Variants in ZNF407 observed in about 807,000 individuals in gnomAD.
ZNF407 encodes zinc finger protein 407.
Under a neutral mutation model 131.2 loss-of-function variants are expected in ZNF407, and 17 were observed. The observed-to-expected ratio is 0.13, with a 90% CI of 0.09 to 0.19. ZNF407 has a LOEUF of 0.19. ZNF407 is among the 10% of genes least tolerant of loss of function. The pLI is 1.00. For missense variants in ZNF407, 2,681 were observed against 2,830.6 expected, an observed-to-expected ratio of 0.95 and a Z score of 1.20; for synonymous variants, 1,156 against 1,062.0, an observed-to-expected ratio of 1.09 and a Z score of -1.72.
At chr18:74,958,932 G>A (rs1972307809) in intron 8 of ZNF407, among the ~76,000 whole-genome samples, 1 of 152,170 alleles carries the variant, frequency 6.6e-6, no homozygotes. Context: ...CAGGTGGATA[G>A]GATTTGAATG....
At chr18:74,774,986 G>A (rs897493021) in intron 3 of ZNF407, among the ~76,000 whole-genome samples, 3 of 152,036 alleles carry the variant, frequency 2.0e-5, no homozygotes, top group African/African-American at 7.2e-5. Context: ...TTTGGAGAGG[G>A]TACAAGTATT....
intron 8 of ZNF407, among the ~76,000 whole-genome samples, chr18:74,953,865 G>A (rs949461120): frequency 9.2e-5 from 14 of 152,164 alleles, no homozygotes; most frequent in African/African-American, 2.7e-4. Flanking sequence ...GGTCCATTAG[G>A]GAACTGTGGC....
chr18:74,647,495 C>G (rs1599039093), intron 3 of ZNF407, among the ~76,000 whole-genome samples: 1 of 152,210 alleles, frequency 6.6e-6, no homozygotes. Context: ...CTTCCTGATC[C>G]CCACAGTAGA....
rs542445413 is a variant in ZNF407 at position 74,804,156 on chromosome 18, T to C, written c.4877+22654T>C. The stretch of plus-strand genomic sequence containing the variant: ...TTCATTGTCTTTTTTTTTTTCCTTT[T>C]ATCTGTGTACTTCTTTGCATACTTG... On this transcript the variant is annotated intron_variant, in intron 4 of 8. Coordinates refer to ENST00000299687, the MANE Select transcript of ZNF407 (RefSeq NM_017757.3). 18 of 1,483,318 alleles carry C rather than the reference T, an allele frequency of 1.2e-5. No homozygotes were observed. The African/African-American group carries it at 2.4e-4, about 20-fold the overall frequency. The allele number at this position is 1,483,318 out of a possible 1,614,324, so 91.9% of individuals were successfully genotyped here.
intron 3 of ZNF407, among the ~76,000 whole-genome samples, chr18:74,720,110 TTA>T (rs1967994189): frequency 6.6e-6 from 1 of 152,202 alleles, no homozygotes; most frequent in Admixed American, 6.5e-5. Flanking sequence ...TTGTATTAGT[TTA>T]TGTTTCCACC....
At chr18:74,826,768 C>T (rs1022773557) in intron 4 of ZNF407, among the ~76,000 whole-genome samples, 2 of 152,312 alleles carry the variant, frequency 1.3e-5, no homozygotes, top group South Asian at 4.1e-4. Context: ...ATGTCATCTT[C>T]ACTGGCAGCA....
intron 4 of ZNF407, among the ~76,000 whole-genome samples, chr18:74,810,291 G>A (rs1168740799): frequency 1.3e-5 from 2 of 152,060 alleles, no homozygotes; most frequent in African/African-American, 4.8e-5. Context: ...GGCAGTTTGT[G>A]TGGATATTTT....
rs867901921 is a variant in ZNF407 at position 74,869,657 on chromosome 18, G to A, written c.4878-7540G>A. On this transcript the variant is annotated intron_variant, in intron 4 of 8. Transcript: ENST00000299687. ...GGTTTTTTTAGGGGCAGAAGTGGGG[G>A]GATTTGAACTTTCATCCAATCCAGC... is the stretch of plus-strand genomic sequence containing the variant. Among the ~76,000 whole-genome samples the A allele has an allele frequency of 8.5e-5, 13 of 152,174 alleles. No homozygotes were observed. The Middle Eastern group carries it at 0.01, about 119-fold the overall frequency.
chr18:74,914,424 C>T (rs1971718463), intron 7 of ZNF407, among the ~76,000 whole-genome samples: 1 of 152,206 alleles, frequency 6.6e-6, no homozygotes. Context: ...GTGTGTTGCT[C>T]ACCTTTCCCC....
intron 8 of ZNF407, among the ~76,000 whole-genome samples, chr18:74,959,029 C>T (rs979338410): frequency 6.6e-6 from 1 of 152,172 alleles, no homozygotes; most frequent in African/African-American, 2.4e-5. Context: ...TTCTTCATTA[C>T]ATTTTACTTA....
intron 8 of ZNF407, among the ~76,000 whole-genome samples, chr18:75,001,904 G>A (rs913591174): frequency 1.3e-5 from 2 of 152,224 alleles, no homozygotes; most frequent in African/African-American, 4.8e-5. Context: ...GGCAAGGGCA[G>A]TTTTGGGAGA....
intron 1 of ZNF407, among the ~76,000 whole-genome samples, chr18:74,604,328 C>G (rs2144606464): frequency 6.6e-6 from 1 of 152,078 alleles, no homozygotes; most frequent in East Asian, 1.9e-4. Context: ...CCAGAAGCTT[C>G]CTCATGTGCA....
intron 3 of ZNF407, among the ~76,000 whole-genome samples, chr18:74,771,278 T>C (rs1352877088): frequency 1.3e-5 from 2 of 152,220 alleles, no homozygotes; most frequent in African/African-American, 4.8e-5. Flanking sequence ...TGTTAACTTA[T>C]GAATTTTGGA....
chr18:74,840,596 C>G (rs1423657994), intron 4 of ZNF407, among the ~76,000 whole-genome samples: 1 of 152,052 alleles, frequency 6.6e-6, no homozygotes, highest in Non-Finnish European at 1.5e-5. Flanking sequence ...CCATGCTGGC[C>G]TTGAACTTCT....
chr18:75,064,341 G>A lies in ZNF407; in HGVS notation c.6620G>A (p.Gly2207Asp), dbSNP rs1599320474. ...CTCCTGCAGGCCGGGGCCACGCTAG[G>A]CACAGAGGCCGGGGCCCCAAGCAGG... ...QELLQAGATL[G>D]TEAGAPSRAE... Residue 2207 changes from glycine (G) to aspartate (D), a missense_variant, in exon 9 of 9, where the codon GGC becomes GAC. Around this residue, in one of 6 missense-constraint regions of ZNF407, gnomAD observed 620 missense variants for 583.1 expected, o/e 1.06. Transcript: ENST00000299687. 6.3e-7 allele frequency: 1 copy of A among 1,592,386 alleles called. No homozygotes were observed. Among genetic ancestry groups the A allele is most frequent in the South Asian group, 1.1e-5 (1 of 87,600 alleles).
intron 3 of ZNF407, among the ~76,000 whole-genome samples, chr18:74,702,439 TG>T (rs1419680817): frequency 6.6e-6 from 1 of 152,192 alleles, no homozygotes; most frequent in African/African-American, 2.4e-5. Context: ...GTGTTTATAC[TG>T]AAAAACACAT....
In ZNF407 at chr18:74,635,346, C is replaced by T. The variant is rs1241639817; in HGVS notation, c.4327C>T (p.His1443Tyr). Reference protein sequence around the residue: ...IAMKHPTKEKHFHCLLCGKSF... With the variant: ...IAMKHPTKEKYFHCLLCGKSF... ...CATGAAGCATCCTACAAAAGAGAAG[C>T]ACTTCCATTGTTTACTCTGTGGAAA... Residue 1443 changes from histidine to tyrosine, a missense_variant, in exon 2 of 9, where the codon CAC (histidine) becomes TAC (tyrosine). Coordinates refer to ENST00000299687, the MANE Select transcript of ZNF407 (RefSeq NM_017757.3). This position sits in a 1 kb window ranked among gnomAD's most constrained non-coding sequence, Gnocchi z 4.7. 2 of 1,613,976 alleles carry T rather than the reference C, an allele frequency of 1.2e-6. No individual in the cohort carries two copies. Among genetic ancestry groups the T allele is most frequent in the East Asian group, 2.2e-5 (1 of 44,880 alleles).
rs538517054 is a variant in ZNF407, at chr18:74,911,297, G to A, written c.5250-9217G>A. The stretch of plus-strand genomic sequence containing the variant: ...TAGATGATTGTTAACAACTCTTACT[G>A]TAATAATGTTAACATGTTGCCTACT... On this transcript the variant is annotated intron_variant, in intron 7 of 8. Coordinates refer to ENST00000299687, the MANE Select transcript of ZNF407 (RefSeq NM_017757.3). Among the ~76,000 whole-genome samples the A allele has an allele frequency of 6.6e-5, 10 of 152,244 alleles. No individual in the cohort carries two copies. The East Asian group carries it at 1.9e-3, about 29-fold the overall frequency.
Position 74,825,593 on chromosome 18 carries a change from G to A in ZNF407, c.4877+44091G>A, listed in dbSNP as rs552766885. Reference sequence around the variant, plus strand: ...GTTTTAATATGAACAGAATGTGGGTGTCAGCATTAGGTGGTCAAAAATGTA... The same window carrying A: ...GTTTTAATATGAACAGAATGTGGGTATCAGCATTAGGTGGTCAAAAATGTA... On this transcript the variant is annotated intron_variant, in intron 4 of 8. Coordinates refer to ENST00000299687, the MANE Select transcript of ZNF407 (RefSeq NM_017757.3). Among the ~76,000 whole-genome samples, 6 of 152,298 alleles carry A rather than the reference G, an allele frequency of 3.9e-5. No individual in the cohort carries two copies. In the South Asian group the frequency reaches 1.2e-3, roughly 32 times the overall value.
Sources: gnomAD v4.1 joint callset for allele counts (sites outside exome capture counted in the v4.1 genomes callset) on GRCh38, gnomAD v4.1.1 for gene constraint, gnomAD v4.1.1 regional missense constraint, Gnocchi (gnomAD v3.1) non-coding constraint, MANE v1.5 for transcripts, NCBI Gene and HGNC (gene_info 2026-07-23, HGNC 2026-07-21) for gene names.